Variants in SPIRE1 observed in about 807,000 individuals in gnomAD.
The protein encoded by SPIRE1 is protein spire homolog 1.
A neutral mutation model predicts 94.1 loss-of-function variants in SPIRE1; 40 were observed. The ratio of observed to expected loss-of-function variants is 0.43; its 90% CI spans 0.33 to 0.55. The LOEUF (loss-of-function observed/expected upper bound fraction) is 0.55. Ranked by LOEUF, SPIRE1 falls within the 20% of genes least tolerant of loss-of-function variation. The pLI, the probability that SPIRE1 is intolerant of heterozygous loss-of-function variation, is 0.06. For synonymous variants in SPIRE1, 376 were observed against 371.7 expected, an observed-to-expected ratio of 1.01 and a Z score of -0.13; for missense variants, 838 against 975.2, an observed-to-expected ratio of 0.86 and a Z score of 1.87.
intron 5 of SPIRE1, among the ~76,000 whole-genome samples, chr18:12,509,098 A>AT (rs1330741942): frequency 6.6e-6 from 1 of 152,250 alleles, no homozygotes; most frequent in Non-Finnish European, 1.5e-5. Flanking sequence ...CATCATATGC[A>AT]TTCCTGGAGA....
chr18:12,600,284 GACTCCTA>G (rs1251703192), intron 2 of SPIRE1, among the ~76,000 whole-genome samples: 2 of 152,114 alleles, frequency 1.3e-5, no homozygotes, highest in African/African-American at 4.8e-5. Flanking sequence ...AGCCAGGCCA[GACTCCTA>G]ACTAACAAAA....
intron 2 of SPIRE1, among the ~76,000 whole-genome samples, chr18:12,551,959 G>C (rs2035362859): frequency 6.6e-6 from 1 of 152,186 alleles, no homozygotes; most frequent in Non-Finnish European, 1.5e-5. Context: ...GCCGCAGAGA[G>C]AATCTGTGTG....
chr18:12,474,774 G>A lies in SPIRE1; in HGVS notation c.1404+4925C>T, dbSNP rs141749683. Among the ~76,000 whole-genome samples, 147 of 152,078 alleles carry A rather than the reference G, an allele frequency of 9.7e-4. 2 individuals are homozygous for A. Among genetic ancestry groups the A allele is most frequent in the African/African-American group, 3.3e-3 (137 of 41,494 alleles). ...TCGGAGGATGCAGTGAGCTGAGGTC[G>A]CTCCACTGTGTTCCAGCCTTGGCAA... On this transcript the variant is annotated intron_variant, in intron 10 of 16. Transcript: ENST00000409402.
At chr18:12,554,298 A>G (rs1660743360) in intron 2 of SPIRE1, among the ~76,000 whole-genome samples, 1 of 140,992 alleles carries the variant, frequency 7.1e-6, no homozygotes. Flanking sequence ...ACTCTGTTCA[A>G]AAAAAAAAAA....
intron 9 of SPIRE1, among the ~76,000 whole-genome samples, chr18:12,482,939 C>CT (rs11373716): frequency 0.29 from 37,016 of 128,830 alleles, 6,170 homozygotes; most frequent in African/African-American, 0.4. Flanking sequence ...CTTAATTGCA[C>CT]TTTTTTTTTT....
intron 10 of SPIRE1, among the ~76,000 whole-genome samples, chr18:12,473,134 G>A (rs1480165097): frequency 6.6e-6 from 1 of 152,128 alleles, no homozygotes; most frequent in East Asian, 1.9e-4. Context: ...TGTTGCTCAG[G>A]CTGGCCTCAA....
In SPIRE1 at chr18:12,606,149, G is replaced by GC. The variant is rs1171276046; in HGVS notation, c.372+28912dup. ...CCTGCCCAATTATACTCTATCCCTTGCCCCCCCTTTATTTTTCTTCATAGC... is the reference window on the plus strand; with the variant it reads ...CCTGCCCAATTATACTCTATCCCTTGCCCCCCCCTTTATTTTTCTTCATAGC... On this transcript the variant is annotated intron_variant, in intron 2 of 16. Transcript: ENST00000409402. Among the ~76,000 whole-genome samples the GC allele has an allele frequency of 5.3e-5, 8 of 150,228 alleles. No individual in the cohort carries two copies. The South Asian group carries it at 8.5e-4, about 16-fold the overall frequency.
At chr18:12,614,930 T>C (rs2037242905) in intron 2 of SPIRE1, among the ~76,000 whole-genome samples, 1 of 152,132 alleles carries the variant, frequency 6.6e-6, no homozygotes, top group Non-Finnish European at 1.5e-5. Context: ...GGCTCATGCC[T>C]GTAATCCTAG....
At chr18:12,641,326 G>C (rs2038077250) in intron 1 of SPIRE1, among the ~76,000 whole-genome samples, 3 of 151,206 alleles carry the variant, frequency 2.0e-5, no homozygotes, top group African/African-American at 4.9e-5. Flanking sequence ...CTGAAATTTA[G>C]CAATAAAAAA....
At chr18:12,578,961 C>T (rs779531095) in intron 2 of SPIRE1, among the ~76,000 whole-genome samples, 1 of 152,020 alleles carries the variant, frequency 6.6e-6, no homozygotes, top group Non-Finnish European at 1.5e-5. Flanking sequence ...CAATAATCAG[C>T]TACCTTGGAA....
intron 4 of SPIRE1, chr18:12,516,023 A>T (rs1342032547): frequency 6.6e-6 from 1 of 152,214 alleles, no homozygotes; most frequent in East Asian, 1.9e-4. Context: ...AATCCACAGC[A>T]TGAAACATTA....
At chr18:12,615,347 T>TAAAAAAAAAAAA (rs1288874045) in intron 2 of SPIRE1, among the ~76,000 whole-genome samples, 17 of 11,766 alleles carry the variant, frequency 1.4e-3, no homozygotes, top group South Asian at 7.0e-3. Context: ...AAAAAAAAAA[T>TAAAAAAAAAAAA]ATATATATAT....
chr18:12,520,697 G>A (rs2034333192), intron 4 of SPIRE1, among the ~76,000 whole-genome samples: 1 of 152,068 alleles, frequency 6.6e-6, no homozygotes, highest in African/African-American at 2.4e-5. Flanking sequence ...GTCAAAAAGT[G>A]GTATGTTCAC....
chr18:12,619,149 G>T (rs1046166564), intron 2 of SPIRE1, among the ~76,000 whole-genome samples: 30 of 152,102 alleles, frequency 2.0e-4, no homozygotes, highest in Non-Finnish European at 4.1e-4. Flanking sequence ...GCCCGCCACG[G>T]CCTCCCAAAG....
chr18:12,550,879 G>C (rs2035329486), intron 2 of SPIRE1, among the ~76,000 whole-genome samples: 1 of 152,144 alleles, frequency 6.6e-6, no homozygotes, highest in Admixed American at 6.6e-5. Context: ...TTTTCTCTCA[G>C]CAACTACTTC....
chr18:12,638,064 A>T (rs1478080783), intron 1 of SPIRE1, among the ~76,000 whole-genome samples: 5 of 152,156 alleles, frequency 3.3e-5, no homozygotes, highest in African/African-American at 7.2e-5. Flanking sequence ...CTCAAAAGCT[A>T]ATCTAGGAAT....
At chr18:12,552,235 G>A (rs1192404747) in intron 2 of SPIRE1, among the ~76,000 whole-genome samples, 2 of 152,196 alleles carry the variant, frequency 1.3e-5, no homozygotes, top group African/African-American at 4.8e-5. Flanking sequence ...TGCAACTCCT[G>A]GCAAGTCCTG....
intron 2 of SPIRE1, among the ~76,000 whole-genome samples, chr18:12,560,649 G>A (rs138763616): frequency 2.6e-5 from 4 of 152,092 alleles, no homozygotes; most frequent in Admixed American, 6.5e-5. Context: ...TCAGGAGTTC[G>A]AGACTAGCCT....
At chr18:12,658,802 C>A, upstream of SPIRE1, 1 of 313,212 alleles carries the variant, frequency 3.2e-6, no homozygotes, top group South Asian at 2.4e-5. Flanking sequence ...GGGATCTTTA[C>A]GGGTTTTCCT....
Sources: allele counts gnomAD v4.1 joint callset (sites outside exome capture counted in the v4.1 genomes callset), GRCh38; gene constraint gnomAD v4.1.1; transcripts MANE v1.5; gene names NCBI Gene and HGNC (gene_info 2026-07-23, HGNC 2026-07-21).